DAPK1: variants seen among roughly 807,000 people sequenced by gnomAD.
DAPK1 encodes the protein death-associated protein kinase 1.
DAPK1 carries 56 observed loss-of-function variants against 144.9 expected under a neutral mutation model. The observed-to-expected ratio is 0.39, with a 90% CI of 0.31 to 0.48. DAPK1 has a LOEUF of 0.48. Ranked by LOEUF, DAPK1 falls within the 20% of genes least tolerant of loss-of-function variation. The pLI, the probability that DAPK1 is intolerant of heterozygous loss-of-function variation, is 0.95. For missense variants in DAPK1, 1,454 were observed against 1,875.4 expected (o/e 0.78, Z 4.15); for synonymous variants, 690 against 749.0 (o/e 0.92, Z 1.29).
At chr9:87,515,435 T>C (rs1825014268) in intron 2 of DAPK1, among the ~76,000 whole-genome samples, 1 of 152,160 alleles carries the variant, frequency 6.6e-6, no homozygotes, top group Admixed American at 6.5e-5. Flanking sequence ...GTGGCAGAAC[T>C]GAAATTGAGC....
At chr9:87,631,744 A>C (rs1227285879) in intron 3 of DAPK1, among the ~76,000 whole-genome samples, 1 of 152,216 alleles carries the variant, frequency 6.6e-6, no homozygotes, top group East Asian at 1.9e-4. Context: ...CATGGTGAGC[A>C]TTTGAGTTCT....
intron 2 of DAPK1, among the ~76,000 whole-genome samples, chr9:87,536,862 T>C (rs1486693847): frequency 6.6e-6 from 1 of 152,206 alleles, no homozygotes; most frequent in East Asian, 1.9e-4. Flanking sequence ...GGAAGAACTT[T>C]AATTAACCTG....
intron 2 of DAPK1, among the ~76,000 whole-genome samples, chr9:87,520,168 T>C (rs1220176492): frequency 1.3e-5 from 2 of 152,144 alleles, no homozygotes; most frequent in African/African-American, 4.8e-5. Flanking sequence ...AATTATGGCT[T>C]AAAATTAGTT....
intron 2 of DAPK1, among the ~76,000 whole-genome samples, chr9:87,522,286 C>A (rs998342212): frequency 6.6e-6 from 1 of 152,164 alleles, no homozygotes; most frequent in African/African-American, 2.4e-5. Context: ...GTTCGAAAGT[C>A]AAAGACAGTA....
chr9:87,643,441 G>A lies in DAPK1; in HGVS notation c.984G>A (p.Met328Ile). ...LSRSFLSRSN[M>I]SVARSDDTLD... Reference sequence around the variant, plus strand: ...GGTCATTCCTGTCCAGAAGTAACATGAGTGTTGCCAGAAGCGATGATACTC... The same window carrying A: ...GGTCATTCCTGTCCAGAAGTAACATAAGTGTTGCCAGAAGCGATGATACTC... Residue 328 changes from methionine to isoleucine, a missense_variant, in exon 11 of 26, where the codon ATG becomes ATA. Physicochemically the swap from Met to Ile is conservative, Grantham distance 10. Coordinates refer to ENST00000408954, the MANE Select transcript of DAPK1 (RefSeq NM_004938.4). 6.2e-7 allele frequency: 1 copy of A among 1,602,418 alleles called. No individual in the cohort carries two copies. Among genetic ancestry groups the A allele is most frequent in the Non-Finnish European group, 8.5e-7 (1 of 1,175,020 alleles).
intron 3 of DAPK1, among the ~76,000 whole-genome samples, chr9:87,608,016 G>A (rs920598046): frequency 3.3e-5 from 5 of 152,154 alleles, no homozygotes; most frequent in African/African-American, 9.7e-5. Flanking sequence ...TGACCGGCAG[G>A]AGGAAGAGAG....
intron 2 of DAPK1, among the ~76,000 whole-genome samples, chr9:87,587,188 A>G (rs955173): frequency 0.097 from 14,825 of 152,058 alleles, 1,301 homozygotes; most frequent in African/African-American, 0.23. Context: ...CTGGCAGGAA[A>G]CTCTCCGCCA....
intron 2 of DAPK1, among the ~76,000 whole-genome samples, chr9:87,575,112 C>T (rs965192162): frequency 2.8e-5 from 4 of 144,018 alleles, no homozygotes; most frequent in East Asian, 2.1e-4. Flanking sequence ...CCTAGCTACT[C>T]GGGAGGCTGA....
intron 2 of DAPK1, among the ~76,000 whole-genome samples, chr9:87,548,267 T>C (rs150719710): frequency 5.8e-4 from 89 of 152,252 alleles, no homozygotes; most frequent in African/African-American, 2.0e-3. Flanking sequence ...ACATCAATCT[T>C]TTTTTCTCAC....
intron 3 of DAPK1, among the ~76,000 whole-genome samples, chr9:87,613,066 C>T (rs573545721): frequency 6.6e-6 from 1 of 152,312 alleles, no homozygotes; most frequent in East Asian, 1.9e-4. Context: ...AACAGAGTAA[C>T]CCCATTTAGC....
intron 10 of DAPK1, 127 bp downstream of exon 10, chr9:87,642,185 C>G (rs528655981): frequency 1.5e-6 from 1 of 675,402 alleles, no homozygotes; most frequent in Non-Finnish European, 2.5e-6. Context: ...TTAATCCACC[C>G]TGTAGTGTTC....
chr9:87,616,039 C>T (rs1360393276), intron 3 of DAPK1, among the ~76,000 whole-genome samples: 2 of 152,232 alleles, frequency 1.3e-5, no homozygotes, highest in Admixed American at 1.3e-4. Context: ...CACATTTGCT[C>T]CTCCTCCATT....
chr9:87,595,275 C>T (rs1828274034), intron 2 of DAPK1, among the ~76,000 whole-genome samples: 1 of 152,190 alleles, frequency 6.6e-6, no homozygotes, highest in Non-Finnish European at 1.5e-5. Flanking sequence ...CTGAGTCCTG[C>T]ATAGAGCACC....
At chr9:87,612,279 G>A (rs1046628611) in intron 3 of DAPK1, among the ~76,000 whole-genome samples, 1 of 152,198 alleles carries the variant, frequency 6.6e-6, no homozygotes, top group Non-Finnish European at 1.5e-5. Flanking sequence ...TTTTGGATAT[G>A]AGATTGTTTT....
chr9:87,552,538 GA>G (rs1026791491), intron 2 of DAPK1, among the ~76,000 whole-genome samples: 26 of 151,566 alleles, frequency 1.7e-4, no homozygotes, highest in African/African-American at 4.8e-4. Context: ...AGTACAGACA[GA>G]AAAAAAATCA....
At chr9:87,657,668 A>G (rs1830675446) in intron 17 of DAPK1, 1 of 294,750 alleles carries the variant, frequency 3.4e-6, no homozygotes, top group African/African-American at 2.2e-5. Context: ...GGATGTCTTC[A>G]ATATCTGTCT....
At chr9:87,597,792 C>T (rs766804482) in intron 2 of DAPK1, among the ~76,000 whole-genome samples, 3 of 152,118 alleles carry the variant, frequency 2.0e-5, no homozygotes, top group South Asian at 2.1e-4. Flanking sequence ...TCTAGAAATA[C>T]GAAGTAGGCT....
At chr9:87,505,869 G>A (rs1282823998) in intron 2 of DAPK1, among the ~76,000 whole-genome samples, 1 of 152,036 alleles carries the variant, frequency 6.6e-6, no homozygotes, top group African/African-American at 2.4e-5. Context: ...TTTATTTTTA[G>A]TAGAGGTGGG....
At chr9:87,602,592 T>C (rs1220810601) in intron 2 of DAPK1, among the ~76,000 whole-genome samples, 1 of 152,138 alleles carries the variant, frequency 6.6e-6, no homozygotes, top group Non-Finnish European at 1.5e-5. Flanking sequence ...GCATTGAAAT[T>C]CTCTGTGACT....
Sources: gnomAD v4.1 joint callset for allele counts (sites outside exome capture counted in the v4.1 genomes callset) on GRCh38, gnomAD v4.1.1 for gene constraint, MANE v1.5 for transcripts, NCBI Gene and HGNC (gene_info 2026-07-23, HGNC 2026-07-21) for gene names.